Variants in RTN4 observed in about 807,000 individuals in gnomAD.
The protein encoded by RTN4 is reticulon 4, also known as reticulon-4.
In RTN4, 32 loss-of-function variants were observed where a neutral mutation model predicts 90.4. The ratio of observed to expected loss-of-function variants is 0.35; its 90% CI spans 0.27 to 0.48. RTN4 has a LOEUF of 0.48. Among genes scored for constraint, RTN4 ranks in the 20% least tolerant of loss-of-function variants. The pLI is 0.99. For missense variants in RTN4, 1,706 were observed against 1,430.2 expected (o/e 1.19, Z -3.11); for synonymous variants, 629 against 552.5 (o/e 1.14, Z -1.94).
intron 4 of RTN4, among the ~76,000 whole-genome samples, chr2:54,985,801 TA>T: frequency 6.6e-6 from 1 of 152,330 alleles, no homozygotes; most frequent in East Asian, 1.9e-4. Flanking sequence ...ATGTTGTAGG[TA>T]GGTACATAGT....
At position 54,982,584 on chromosome 2, in the gene RTN4, A is replaced by T; in HGVS notation, c.3291T>A (p.Gly1097=). ...LVQKYSNSAL[G]HVNCTIKELR... ...GTTCCTTTATCGTGCAGTTCACATG[A>T]CCAAGAGCAGAATTACTGTACTTCT... The change falls in exon 5 of 9, where the codon GGT becomes GGA. Residue 1097 remains glycine, a synonymous_variant. Coordinates refer to ENST00000337526, the MANE Select transcript of RTN4 (RefSeq NM_020532.5). 6.2e-7 allele frequency: 1 copy of T among 1,613,840 alleles called. No individual in the cohort carries two copies. Among genetic ancestry groups the T allele is most frequent in the Non-Finnish European group, 8.5e-7 (1 of 1,179,882 alleles).
chr2:55,035,081 G>C (rs1336165609), intron 1 of RTN4, among the ~76,000 whole-genome samples: 2 of 151,948 alleles, frequency 1.3e-5, no homozygotes, highest in African/African-American at 2.4e-5. Flanking sequence ...GAAAATCAAA[G>C]AACCCAAAAA....
At chr2:54,990,778 A>G (rs554288260) in intron 3 of RTN4, among the ~76,000 whole-genome samples, 43 of 151,928 alleles carry the variant, frequency 2.8e-4, no homozygotes, top group African/African-American at 1.0e-3. Context: ...TACCTCAAAT[A>G]TATTTTTCTT....
intron 1 of RTN4, among the ~76,000 whole-genome samples, chr2:55,035,770 C>T (rs1682635478): frequency 6.6e-6 from 1 of 151,906 alleles, no homozygotes; most frequent in Non-Finnish European, 1.5e-5. Context: ...TACTGTAGGT[C>T]CTAAAAACGT....
intron 1 of RTN4, among the ~76,000 whole-genome samples, chr2:55,039,109 G>T (rs1053485988): frequency 1.3e-5 from 2 of 152,198 alleles, no homozygotes; most frequent in African/African-American, 2.4e-5. Flanking sequence ...GTAGGAACCA[G>T]AGCAAAGAAT....
At chr2:55,078,428 T>C (rs2920890) in intron 2 of RTN4, among the ~76,000 whole-genome samples, 139,519 of 152,170 alleles carry the variant, frequency 0.92, 64,105 homozygotes, top group African/African-American at 0.97. Context: ...TATTTTTAAA[T>C]TGAATAGTAT....
chr2:55,122,143 T>A, the RTN4 span, among the ~76,000 whole-genome samples: 2 of 151,916 alleles, frequency 1.3e-5, no homozygotes, highest in Admixed American at 6.6e-5. Flanking sequence ...CCCCTCTAGA[T>A]AATTTTTGTA....
At chr2:55,028,301 G>C in intron 1 of RTN4, 81 bp from the exon 2 acceptor site, 3 of 1,272,014 alleles carry the variant, frequency 2.4e-6, no homozygotes, top group Non-Finnish European at 2.2e-6. Context: ...GCAAGCCAGG[G>C]TTCAGTTTGT....
At chr2:55,024,354 TG>T (rs1681663429) in intron 3 of RTN4, among the ~76,000 whole-genome samples, 1 of 152,198 alleles carries the variant, frequency 6.6e-6, no homozygotes, top group African/African-American at 2.4e-5. Flanking sequence ...TGAGCTGGAC[TG>T]TACTGCTGAA....
intron 3 of RTN4, among the ~76,000 whole-genome samples, chr2:55,005,195 C>G (rs1680124551): frequency 6.6e-6 from 1 of 152,158 alleles, no homozygotes; most frequent in Non-Finnish European, 1.5e-5. Context: ...AGGAAAATCC[C>G]TTAAGTGCCA....
At chr2:55,016,181 A>G (rs569827679) in intron 3 of RTN4, among the ~76,000 whole-genome samples, 39 of 152,366 alleles carry the variant, frequency 2.6e-4, no homozygotes, top group African/African-American at 8.7e-4. Context: ...ATATTTAAAG[A>G]CATGGAAATG....
At chr2:55,018,413 A>G (rs916909289) in intron 3 of RTN4, among the ~76,000 whole-genome samples, 2 of 152,222 alleles carry the variant, frequency 1.3e-5, no homozygotes, top group Admixed American at 6.5e-5. Context: ...CGCAGGAAAA[A>G]GAAAAAAGAA....
intron 1 of RTN4, among the ~76,000 whole-genome samples, chr2:55,111,483 T>C (rs1298303772): frequency 1.3e-5 from 2 of 152,194 alleles, no homozygotes; most frequent in African/African-American, 2.4e-5. Context: ...AAATAAATGT[T>C]CCTCACTCCT....
In RTN4 at chr2:55,039,103, G is replaced by A. The variant is rs978488459; in HGVS notation, c.556+10642C>T. On this transcript the variant is annotated intron_variant, in intron 1 of 8. Transcript: ENST00000337526. ...TGTTTGGGATTGGTGTTGCGGGTAG[G>A]AACCAGAGCAAAGAATTGAAGGACT... Among the ~76,000 whole-genome samples the A allele has an allele frequency of 3.3e-5, 5 of 152,180 alleles. No individual in the cohort carries two copies. The East Asian group carries it at 9.6e-4, about 29-fold the overall frequency.
intron 1 of RTN4, among the ~76,000 whole-genome samples, chr2:55,083,090 G>A (rs1668752164): frequency 6.6e-6 from 1 of 152,172 alleles, no homozygotes; most frequent in African/African-American, 2.4e-5. Context: ...AACAATAGAG[G>A]AATGAGTACA....
intron 1 of RTN4, among the ~76,000 whole-genome samples, chr2:55,105,533 T>C (rs1667929330): frequency 1.3e-5 from 2 of 152,166 alleles, no homozygotes; most frequent in Middle Eastern, 3.4e-3. Context: ...CTGGCTGAGA[T>C]TGTTTTTCTA....
chr2:54,974,514 CA>C (rs1444637118), intron 6 of RTN4, among the ~76,000 whole-genome samples, 180 bp downstream of exon 6: 1 of 152,234 alleles, frequency 6.6e-6, no homozygotes, highest in African/African-American at 2.4e-5. Context: ...CTCCTGGCCC[CA>C]GGTGATCCGC....
At chr2:55,014,348 T>G (rs922290538) in intron 3 of RTN4, 6 of 152,192 alleles carry the variant, frequency 3.9e-5, no homozygotes, top group Non-Finnish European at 5.9e-5. Flanking sequence ...ATATGCTAAC[T>G]TCTTACATTA....
chr2:55,076,428 C>T (rs1244557163), intron 2 of RTN4, among the ~76,000 whole-genome samples: 20 of 117,596 alleles, frequency 1.7e-4, no homozygotes, highest in Non-Finnish European at 3.1e-4. Context: ...GAGATGGACT[C>T]TCACTCTGTC....
Sources: gnomAD v4.1 joint callset for allele counts (sites outside exome capture counted in the v4.1 genomes callset) on GRCh38, gnomAD v4.1.1 for gene constraint, MANE v1.5 for transcripts, NCBI Gene and HGNC (gene_info 2026-07-23, HGNC 2026-07-21) for gene names.